The following HECTD2 variants were observed in gnomAD, a reference collection of about 807,000 sequenced individuals.
HECTD2 encodes the protein probable E3 ubiquitin-protein ligase HECTD2.
HECTD2 carries 35 observed loss-of-function variants against 103.2 expected under a neutral mutation model. That is an observed-to-expected ratio of 0.34 (90% confidence interval 0.26 to 0.45). The LOEUF (loss-of-function observed/expected upper bound fraction) is 0.45, where lower values mean the gene tolerates loss of function less well. HECTD2 is among the 20% of genes least tolerant of loss of function. The probability of loss-of-function intolerance (pLI) is 1.00; values close to 1 mark genes in which losing one functional copy is unlikely to be tolerated. For missense variants in HECTD2, 596 were observed against 937.4 expected (o/e 0.64, Z 4.76); for synonymous variants, 281 against 329.9 (o/e 0.85, Z 1.61).
chr10:91,455,158 A>G (rs1292146972), intron 2 of HECTD2, among the ~76,000 whole-genome samples: 1 of 152,168 alleles, frequency 6.6e-6, no homozygotes, highest in Non-Finnish European at 1.5e-5. Context: ...GTCTTCCACA[A>G]TGGTTGAACT....
chr10:91,490,518 T>C (rs1240182288), intron 11 of HECTD2, among the ~76,000 whole-genome samples: 1 of 152,202 alleles, frequency 6.6e-6, no homozygotes, highest in Non-Finnish European at 1.5e-5. Flanking sequence ...AGTCCAGGTT[T>C]ATCATCAGGA....
chr10:91,493,367 G>T lies in HECTD2; in HGVS notation c.1433-53G>T, dbSNP rs1846547825. 6.2e-6 allele frequency: 6 copies of T among 960,400 alleles called. No individual in the cohort carries two copies. The East Asian group carries it at 8.4e-5, about 13-fold the overall frequency. The allele number at this position is 960,400 out of a possible 1,614,324, so 59.5% of individuals were successfully genotyped here. Reference sequence around the variant, plus strand: ...ATGTCATGTACATGTTTACCACTTTGATTTTTTTAAGTCAATCATGTTAAT... The same window carrying T: ...ATGTCATGTACATGTTTACCACTTTTATTTTTTTAAGTCAATCATGTTAAT... On this transcript the variant is annotated intron_variant, in intron 13 of 20. Transcript: ENST00000298068.
intron 2 of HECTD2, among the ~76,000 whole-genome samples, chr10:91,451,490 GCA>G (rs1844825682): frequency 6.6e-6 from 1 of 151,818 alleles, no homozygotes; most frequent in South Asian, 2.1e-4. Context: ...TGCACGTTCT[GCA>G]CATGTATTCC....
At chr10:91,493,702 TTTGA>T (rs769535448) in intron 14 of HECTD2, among the ~76,000 whole-genome samples, 194 bp downstream of exon 14, 2 of 151,972 alleles carry the variant, frequency 1.3e-5, no homozygotes. Flanking sequence ...GAAATGAGAG[TTTGA>T]TTTTTTTCTG....
intron 2 of HECTD2, among the ~76,000 whole-genome samples, chr10:91,435,630 T>A (rs1281837894): frequency 2.0e-5 from 3 of 152,042 alleles, no homozygotes; most frequent in Non-Finnish European, 4.4e-5. Flanking sequence ...CAGATGTCTC[T>A]CTACCTCTGT....
Position 91,460,415 on chromosome 10 carries a change from T to TATAC in HECTD2, c.269-11_269-8dup. ...TGATTCATTATTTTGAATGTGTTTT[T>TATAC]ATACTTCACAGTGAGAGAACCACCA... On this transcript the variant is annotated splice_polypyrimidine_tract_variant and intron_variant, in intron 2 of 20. Coordinates refer to ENST00000298068, the MANE Select transcript of HECTD2 (RefSeq NM_182765.6). 1 of 1,580,460 alleles carries TATAC rather than the reference T, an allele frequency of 6.3e-7. No homozygotes were observed. Among genetic ancestry groups the TATAC allele is most frequent in the Non-Finnish European group, 8.6e-7 (1 of 1,166,098 alleles).
At chr10:91,433,907 G>A (rs1045477674) in intron 2 of HECTD2, among the ~76,000 whole-genome samples, 3 of 151,890 alleles carry the variant, frequency 2.0e-5, no homozygotes, top group African/African-American at 4.8e-5. Context: ...CCCATCTCAA[G>A]GCTGTAATAA....
chr10:91,444,190 T>G (rs1844492538), intron 2 of HECTD2, among the ~76,000 whole-genome samples: 1 of 152,170 alleles, frequency 6.6e-6, no homozygotes, highest in Admixed American at 6.5e-5. Context: ...CACCTACAAT[T>G]AAATACAAAC....
intron 1 of HECTD2, among the ~76,000 whole-genome samples, chr10:91,425,014 C>G (rs1255178261): frequency 2.0e-5 from 3 of 152,008 alleles, no homozygotes; most frequent in Non-Finnish European, 4.4e-5. Flanking sequence ...TGCATTATCT[C>G]TGTTAAATCT....
Position 91,453,260 on chromosome 10 carries a change from T to C in HECTD2, c.269-7167T>C, listed in dbSNP as rs1481680312. On this transcript the variant is annotated intron_variant, in intron 2 of 20. Coordinates refer to ENST00000298068, the MANE Select transcript of HECTD2 (RefSeq NM_182765.6). Reference sequence around the variant, plus strand: ...CAGCTTGGGGAACGTAGCGAGACTTTGTCTCCATAAAAAATTTAAAAATTA... The same window carrying C: ...CAGCTTGGGGAACGTAGCGAGACTTCGTCTCCATAAAAAATTTAAAAATTA... Among the ~76,000 whole-genome samples the C allele has an allele frequency of 2.6e-5, 4 of 152,126 alleles. No homozygotes were observed. In the East Asian group the frequency reaches 7.7e-4, roughly 29 times the overall value.
Position 91,512,600 on chromosome 10 carries a change from T to C in HECTD2, c.*216T>C, listed in dbSNP as rs1176067711. On this transcript the variant is annotated 3_prime_UTR_variant, in exon 21 of 21. Transcript: ENST00000298068. ...TCGCTTGAGTGAGGAAAAGTCCACATGGCAGAGACAGGTATGGTCCAGTTC... is the reference window on the plus strand; with the variant it reads ...TCGCTTGAGTGAGGAAAAGTCCACACGGCAGAGACAGGTATGGTCCAGTTC... 1 of 497,414 alleles carries C rather than the reference T, an allele frequency of 2.0e-6. No homozygotes were observed. The highest frequency in any genetic ancestry group is 3.6e-6 in the Non-Finnish European group (1 of 279,068). 30.8% of individuals were successfully genotyped at this position (497,414 alleles called of 1,614,324 possible). A position where few individuals can be genotyped will look rare whatever the true frequency, so the allele number is the denominator to read the frequency against.
intron 2 of HECTD2, among the ~76,000 whole-genome samples, chr10:91,431,420 T>G (rs1284593017): frequency 2.0e-5 from 3 of 151,960 alleles, no homozygotes; most frequent in African/African-American, 2.4e-5. Context: ...AATCTGAATG[T>G]TGGCCTGCCT....
chr10:91,460,471 C>T lies in HECTD2; in HGVS notation c.313C>T (p.Arg105Cys), dbSNP rs746716912. The T allele has an allele frequency of 6.2e-6, 10 of 1,611,290 alleles. No individual in the cohort carries two copies. In the Middle Eastern group the frequency reaches 8.3e-4, roughly 133 times the overall value. Residue 105 changes from arginine (R) to cysteine (C), a missense_variant, in exon 3 of 21, where the codon CGT (arginine) becomes TGT (cysteine). Around this residue, in one of 4 missense-constraint regions of HECTD2, gnomAD observed 220 missense variants for 233.9 expected, o/e 0.94. Transcript: ENST00000298068. Reference protein sequence around the residue: ...PICLDVRQKQRTSMDASSSEM... With the variant: ...PICLDVRQKQCTSMDASSSEM... ...TTGCCTTGATGTTAGACAAAAACAG[C>T]GTACATCTATGGATGCATCATCATC...
At chr10:91,437,685 GT>G (rs1372609225) in intron 2 of HECTD2, among the ~76,000 whole-genome samples, 1 of 130,636 alleles carries the variant, frequency 7.7e-6, no homozygotes, top group Non-Finnish European at 1.6e-5. Flanking sequence ...CTTATACTGT[GT>G]TTAAGGTAGA....
chr10:91,435,836 C>T (rs1023032097), intron 2 of HECTD2, among the ~76,000 whole-genome samples: 1 of 151,794 alleles, frequency 6.6e-6, no homozygotes, highest in African/African-American at 2.4e-5. Context: ...ATTTTCTATC[C>T]TTTCTTTCTG....
At chr10:91,460,258 A>G (rs1454771668) in intron 2 of HECTD2, among the ~76,000 whole-genome samples, 169 bp from the exon 3 acceptor site, 2 of 152,152 alleles carry the variant, frequency 1.3e-5, no homozygotes, top group Non-Finnish European at 2.9e-5. Context: ...GTGGGGGAAT[A>G]AGCCCTCCAG....
intron 2 of HECTD2, among the ~76,000 whole-genome samples, chr10:91,429,274 G>T (rs1219871581): frequency 9.9e-5 from 15 of 152,140 alleles, no homozygotes; most frequent in Non-Finnish European, 2.9e-5. Context: ...GCTGGATTCG[G>T]TGTGCCAGTA....
At chr10:91,488,261 T>G (rs1846336699) in intron 11 of HECTD2, 1 of 153,026 alleles carries the variant, frequency 6.5e-6, no homozygotes, top group African/African-American at 2.4e-5. Context: ...AGGTGAAAGA[T>G]GTTTTATTGG....
chr10:91,484,093 G>C (rs1846186226), intron 8 of HECTD2: 1 of 447,278 alleles, frequency 2.2e-6, no homozygotes, highest in Non-Finnish European at 4.0e-6. Context: ...CTAAAACAAG[G>C]CAGAACATCA....
Sources: allele counts gnomAD v4.1 joint callset (sites outside exome capture counted in the v4.1 genomes callset), GRCh38; gene constraint gnomAD v4.1.1; regional missense constraint gnomAD v4.1.1; transcripts MANE v1.5; gene names NCBI Gene and HGNC (gene_info 2026-07-23, HGNC 2026-07-21).